Variants in LRP1B observed in about 807,000 individuals in gnomAD.
LRP1B encodes the protein LDL receptor related protein 1B, also known as low-density lipoprotein receptor-related protein 1B.
Under a neutral mutation model 556.6 loss-of-function variants are expected in LRP1B, and 217 were observed. That is an observed-to-expected ratio of 0.39 (90% confidence interval 0.35 to 0.44). LRP1B has a LOEUF of 0.44. Among genes scored for constraint, LRP1B ranks in the 20% least tolerant of loss-of-function variants. The pLI is 1.00. For missense variants in LRP1B, 5,053 were observed against 5,620.8 expected, an observed-to-expected ratio of 0.90 and a Z score of 3.23; for synonymous variants, 2,047 against 1,865.8, an observed-to-expected ratio of 1.10 and a Z score of -2.50.
intron 9 of LRP1B, among the ~76,000 whole-genome samples, chr2:141,057,247 G>GT (rs1166215413): frequency 6.6e-6 from 1 of 151,834 alleles, no homozygotes; most frequent in Non-Finnish European, 1.5e-5. Flanking sequence ...ATAAGCAAAA[G>GT]TTTTTTATAA....
intron 66 of LRP1B, among the ~76,000 whole-genome samples, chr2:140,441,690 A>T (rs1024136603): frequency 2.6e-5 from 4 of 152,200 alleles, no homozygotes; most frequent in African/African-American, 9.6e-5. Flanking sequence ...CACTTCTGTG[A>T]AGTCTGGGAG....
At chr2:141,607,429 A>G (rs2105317435) in intron 2 of LRP1B, among the ~76,000 whole-genome samples, 1 of 152,246 alleles carries the variant, frequency 6.6e-6, no homozygotes, top group Admixed American at 6.5e-5. Flanking sequence ...ACTGATCTCT[A>G]GTAGATAGTA....
intron 37 of LRP1B, among the ~76,000 whole-genome samples, chr2:140,712,270 TC>T (rs1687057355): frequency 6.6e-6 from 1 of 152,098 alleles, no homozygotes; most frequent in Non-Finnish European, 1.5e-5. Context: ...CTAGAGTCCC[TC>T]CAGGAATCAG....
chr2:141,886,791 T>A (rs1004454510), intron 1 of LRP1B, among the ~76,000 whole-genome samples: 1 of 152,190 alleles, frequency 6.6e-6, no homozygotes, highest in Non-Finnish European at 1.5e-5. Flanking sequence ...ATTCCTTCTA[T>A]ACATTCTGCC....
At chr2:140,272,266 C>T (rs929340460) in intron 85 of LRP1B, among the ~76,000 whole-genome samples, 8 of 72,720 alleles carry the variant, frequency 1.1e-4, no homozygotes, top group African/African-American at 2.7e-4. Flanking sequence ...CAAACACACA[C>T]ACACACACAC....
intron 1 of LRP1B, among the ~76,000 whole-genome samples, chr2:141,984,021 A>G (rs1257272818): frequency 6.6e-6 from 1 of 152,144 alleles, no homozygotes; most frequent in Non-Finnish European, 1.5e-5. Flanking sequence ...AGATCGTACC[A>G]TTGCACTCCA....
At chr2:141,239,643 A>G (rs1362820499) in intron 5 of LRP1B, among the ~76,000 whole-genome samples, 2 of 152,082 alleles carry the variant, frequency 1.3e-5, no homozygotes, top group African/African-American at 4.8e-5. Flanking sequence ...TTCTAATTCA[A>G]ATAAGAGGAA....
At chr2:140,519,122 T>C (rs143692099) in intron 49 of LRP1B, among the ~76,000 whole-genome samples, 1,719 of 152,212 alleles carry the variant, frequency 0.011, 25 homozygotes, top group African/African-American at 0.034. Flanking sequence ...TTAAAGTCCA[T>C]ATGGAACCAA....
chr2:140,919,201 C>T (rs1356448588), intron 21 of LRP1B, among the ~76,000 whole-genome samples: 2 of 151,972 alleles, frequency 1.3e-5, no homozygotes, highest in East Asian at 3.9e-4. Context: ...CCTTCATTTT[C>T]CTCTCTGACT....
intron 41 of LRP1B, among the ~76,000 whole-genome samples, chr2:140,607,616 C>T (rs1682915451): frequency 7.2e-6 from 1 of 139,110 alleles, no homozygotes; most frequent in Admixed American, 7.6e-5. Flanking sequence ...ATATGCTAAA[C>T]TCGACCCCCT....
intron 66 of LRP1B, among the ~76,000 whole-genome samples, chr2:140,434,779 G>GTAA (rs1686100259): frequency 6.6e-6 from 1 of 152,152 alleles, no homozygotes; most frequent in Non-Finnish European, 1.5e-5. Context: ...AAATGCCACA[G>GTAA]TAATAACTAC....
intron 2 of LRP1B, among the ~76,000 whole-genome samples, chr2:141,549,161 G>T (rs1169139635): frequency 6.6e-6 from 1 of 152,156 alleles, no homozygotes; most frequent in Non-Finnish European, 1.5e-5. Flanking sequence ...AGACAACAAA[G>T]TTTCAATCTT....
At chr2:141,374,207 C>T (rs955807579) in intron 3 of LRP1B, among the ~76,000 whole-genome samples, 1 of 152,118 alleles carries the variant, frequency 6.6e-6, no homozygotes, top group African/African-American at 2.4e-5. Flanking sequence ...CCATCCCATT[C>T]TCTAATCACC....
intron 3 of LRP1B, among the ~76,000 whole-genome samples, chr2:141,459,618 G>A (rs1006972799): frequency 3.3e-5 from 5 of 152,068 alleles, no homozygotes; most frequent in Admixed American, 2.6e-4. Context: ...TCAGGAGGGT[G>A]GGTCTTTTCC....
intron 35 of LRP1B, among the ~76,000 whole-genome samples, chr2:140,724,299 A>T (rs1037025366): frequency 1.3e-5 from 2 of 152,202 alleles, no homozygotes; most frequent in African/African-American, 2.4e-5. Flanking sequence ...AGCCTGGGCA[A>T]CACAGCAATA....
intron 3 of LRP1B, among the ~76,000 whole-genome samples, chr2:141,461,365 C>T (rs72989017): frequency 0.019 from 2,891 of 152,118 alleles, 112 homozygotes; most frequent in African/African-American, 0.066. Context: ...CTTGACAAGG[C>T]GGCTTCAGTG....
At chr2:140,939,722 C>G (rs1052419658) in intron 20 of LRP1B, among the ~76,000 whole-genome samples, 1 of 151,320 alleles carries the variant, frequency 6.6e-6, no homozygotes, top group Non-Finnish European at 1.5e-5. Context: ...TAAACCAGAA[C>G]AATGACAATA....
chr2:141,715,139 G>C (rs887975460), intron 2 of LRP1B, among the ~76,000 whole-genome samples: 1 of 152,060 alleles, frequency 6.6e-6, no homozygotes, highest in Non-Finnish European at 1.5e-5. Flanking sequence ...GTGTTTCAGA[G>C]GTATTATTCC....
intron 86 of LRP1B, among the ~76,000 whole-genome samples, chr2:140,260,134 C>A (rs1681867733): frequency 6.6e-6 from 1 of 151,804 alleles, no homozygotes; most frequent in Non-Finnish European, 1.5e-5. Context: ...TTGTTTGTGA[C>A]CACATGGAGA....
Sources: allele counts gnomAD v4.1 joint callset (sites outside exome capture counted in the v4.1 genomes callset), GRCh38; gene constraint gnomAD v4.1.1; transcripts MANE v1.5; gene names NCBI Gene and HGNC (gene_info 2026-07-23, HGNC 2026-07-21).